Variants in CYSLTR1 observed in about 807,000 individuals in gnomAD.
CYSLTR1 encodes cysteinyl leukotriene receptor 1.
Under a neutral mutation model 2.1 loss-of-function variants are expected in CYSLTR1, and 1 was observed. That is an observed-to-expected ratio of 0.48 (90% CI 0.17 to 2.28). The LOEUF (loss-of-function observed/expected upper bound fraction) is 2.28. CYSLTR1 is among the 30% of genes most tolerant of loss of function. The probability of loss-of-function intolerance (pLI) is 0.26; values close to 1 mark genes in which losing one functional copy is unlikely to be tolerated. For missense variants in CYSLTR1, 299 were observed against 250.1 expected, an observed-to-expected ratio of 1.20 and a Z score of -1.32; for synonymous variants, 110 against 89.6, an observed-to-expected ratio of 1.23 and a Z score of -1.28.
chrX:78,300,856 C>T (rs934125923), intron 1 of CYSLTR1, among the ~76,000 whole-genome samples: 2 of 112,728 alleles, frequency 1.8e-5, no homozygotes, highest in Non-Finnish European at 3.8e-5. Flanking sequence ...TTCATGAGGG[C>T]CCTGCCCCTC....
intron 1 of CYSLTR1, among the ~76,000 whole-genome samples, chrX:78,291,329 C>T (rs1224204480): frequency 9.0e-6 from 1 of 111,704 alleles, no homozygotes; most frequent in African/African-American, 3.3e-5. Context: ...GGTGGATAAG[C>T]TTTTTGATGT....
intron 1 of CYSLTR1, among the ~76,000 whole-genome samples, chrX:78,312,132 C>T: frequency 9.0e-6 from 1 of 111,271 alleles, no homozygotes; most frequent in South Asian, 3.8e-4. Context: ...CAAAAACAGA[C>T]ACATACACCA....
At chrX:78,306,493 A>G (rs1375687748) in intron 1 of CYSLTR1, among the ~76,000 whole-genome samples, 2 of 111,761 alleles carry the variant, frequency 1.8e-5, no homozygotes, top group Non-Finnish European at 3.8e-5. Context: ...TTTATTCTAT[A>G]CCATCTCTTA....
At chrX:78,288,235 C>A (rs1197581418) in intron 1 of CYSLTR1, among the ~76,000 whole-genome samples, 1 of 110,178 alleles carries the variant, frequency 9.1e-6, no homozygotes, top group Non-Finnish European at 1.9e-5. Context: ...AACACATATA[C>A]CATACAACTA....
chrX:78,274,899 C>G (rs1332983424), intron 2 of CYSLTR1, among the ~76,000 whole-genome samples: 1 of 111,474 alleles, frequency 9.0e-6, no homozygotes, highest in Non-Finnish European at 1.9e-5. Flanking sequence ...ACAAACAACC[C>G]CATCAAAAAG....
intron 1 of CYSLTR1, among the ~76,000 whole-genome samples, chrX:78,306,930 G>A (rs1414763636): frequency 8.9e-6 from 1 of 112,062 alleles, no homozygotes; most frequent in Non-Finnish European, 1.9e-5. Flanking sequence ...GTAATTAGGA[G>A]GCCAGTGGTG....
chrX:78,275,214 C>G (rs192363817), intron 2 of CYSLTR1, among the ~76,000 whole-genome samples: 4,518 of 111,834 alleles, frequency 0.04, 88 homozygotes, highest in East Asian at 0.084. Flanking sequence ...TTTGACCAAG[C>G]CATCCCATTA....
chrX:78,281,734 T>TTC (rs1189253276), intron 2 of CYSLTR1, among the ~76,000 whole-genome samples: 1 of 112,003 alleles, frequency 8.9e-6, no homozygotes, highest in Non-Finnish European at 1.9e-5. Context: ...TACTGTACAT[T>TTC]AACTCCTCAG....
intron 1 of CYSLTR1, among the ~76,000 whole-genome samples, chrX:78,291,388 T>C (rs964169673): frequency 5.4e-5 from 6 of 111,925 alleles, no homozygotes; most frequent in African/African-American, 2.0e-4. Context: ...TTTGCATCGA[T>C]GTTTATCAGG....
intron 2 of CYSLTR1, among the ~76,000 whole-genome samples, chrX:78,280,060 T>C (rs758634853): frequency 9.0e-6 from 1 of 110,814 alleles, no homozygotes; most frequent in Non-Finnish European, 1.9e-5. Flanking sequence ...TCACACAATA[T>C]ACCCATGTAA....
At chrX:78,295,480 T>G (rs1413970089) in intron 1 of CYSLTR1, among the ~76,000 whole-genome samples, 2 of 109,689 alleles carry the variant, frequency 1.8e-5, no homozygotes, top group Non-Finnish European at 3.8e-5. Context: ...CTGTTCTCCA[T>G]AGTGGTTGTA....
At chrX:78,308,550 A>G (rs946459318) in intron 1 of CYSLTR1, among the ~76,000 whole-genome samples, 2 of 111,848 alleles carry the variant, frequency 1.8e-5, no homozygotes, top group African/African-American at 6.5e-5. Flanking sequence ...TATATTAAAT[A>G]CTAAGATGTA....
chrX:78,309,995 T>G, intron 1 of CYSLTR1, among the ~76,000 whole-genome samples: 1 of 112,334 alleles, frequency 8.9e-6, no homozygotes, highest in Non-Finnish European at 1.9e-5. Context: ...TCCATTATTT[T>G]TGCTCTTTGT....
intron 1 of CYSLTR1, among the ~76,000 whole-genome samples, chrX:78,305,406 A>G (rs1400457785): frequency 1.8e-5 from 2 of 111,724 alleles, no homozygotes; most frequent in Non-Finnish European, 3.8e-5. Context: ...AAAGCAAACA[A>G]ACTTCCACCC....
chrX:78,300,797 T>C (rs371893824), intron 1 of CYSLTR1, among the ~76,000 whole-genome samples: 1 of 112,564 alleles, frequency 8.9e-6, no homozygotes, highest in East Asian at 2.8e-4. Context: ...AAATATGATG[T>C]TTTTCTAAAT....
chrX:78,324,360 TTTTGTTTG>T (rs760618602), intron 1 of CYSLTR1, among the ~76,000 whole-genome samples: 2 of 112,164 alleles, frequency 1.8e-5, no homozygotes, highest in Admixed American at 9.4e-5. Context: ...CTTAGCAGTT[TTTTGTTTG>T]TTTGTTTGTT....
At chrX:78,297,044 T>C (rs1922603243) in intron 1 of CYSLTR1, among the ~76,000 whole-genome samples, 1 of 111,819 alleles carries the variant, frequency 8.9e-6, no homozygotes, top group East Asian at 2.8e-4. Context: ...AATAGGGCTT[T>C]TATTACTTGA....
At position 78,271,562 on chromosome X, in the gene CYSLTR1, C is replaced by T. The variant is rs771647141; in HGVS notation, c.*1171G>A. ...CTACACTTCAGCAAAAGCTTGTCCA[C>T]GCATATTATATTTCAGCCGTAGATG... On this transcript the variant is annotated 3_prime_UTR_variant, in exon 3 of 3. Transcript: ENST00000373304. 15 of 111,766 alleles carry T rather than the reference C, an allele frequency of 1.3e-4. No homozygotes were observed. Among genetic ancestry groups the T allele is most frequent in the South Asian group, 3.7e-4 (1 of 2,692 alleles). The allele number at this position is 111,766 out of a possible 1,213,427, so 9.2% of individuals were successfully genotyped here. A position where few individuals can be genotyped will look rare whatever the true frequency, so the allele number is the denominator to read the frequency against.
chrX:78,283,069 C>G (rs1921905027), intron 2 of CYSLTR1, among the ~76,000 whole-genome samples: 2 of 112,133 alleles, frequency 1.8e-5, no homozygotes, highest in South Asian at 7.3e-4. Flanking sequence ...TTACTACAAG[C>G]CACTCATTTC....
Sources: gnomAD v4.1 joint callset for allele counts (sites outside exome capture counted in the v4.1 genomes callset) on GRCh38, gnomAD v4.1.1 for gene constraint, MANE v1.5 for transcripts, NCBI Gene and HGNC (gene_info 2026-07-23, HGNC 2026-07-21) for gene names.